Variants in CTNNA2 observed in about 807,000 individuals in gnomAD.
CTNNA2 encodes the protein catenin alpha 2, also known as catenin alpha-2.
CTNNA2 carries 42 observed loss-of-function variants against 101.0 expected under a neutral mutation model. The ratio of observed to expected loss-of-function variants is 0.42; its 90% confidence interval spans 0.32 to 0.54. CTNNA2 has a LOEUF of 0.54. CTNNA2 is among the 20% of genes least tolerant of loss of function. CTNNA2 has a pLI of 0.14. For missense variants in CTNNA2, 871 were observed against 1,223.1 expected (o/e 0.71, Z 4.29); for synonymous variants, 450 against 456.4 (o/e 0.99, Z 0.18).
intron 1 of CTNNA2, among the ~76,000 whole-genome samples, chr2:79,521,821 A>G (rs1672135890): frequency 6.6e-6 from 1 of 152,176 alleles, no homozygotes; most frequent in African/African-American, 2.4e-5. Context: ...AACGTGGCAC[A>G]AGAAGGAGAA....
intron 7 of CTNNA2, chr2:80,305,019 C>G (rs1420963951): frequency 1.5e-5 from 15 of 972,634 alleles, no homozygotes; most frequent in African/African-American, 1.8e-5. Flanking sequence ...TGCTCTCCCC[C>G]TTGCCTTTTG....
At chr2:79,242,146 T>C (rs1674635352) in intron 2 of CTNNA2, among the ~76,000 whole-genome samples, 1 of 152,042 alleles carries the variant, frequency 6.6e-6, no homozygotes, top group Non-Finnish European at 1.5e-5. Flanking sequence ...GACCTCATGA[T>C]CCACCCGCCT....
intron 7 of CTNNA2, among the ~76,000 whole-genome samples, chr2:80,230,115 CA>C (rs1709109813): frequency 2.0e-5 from 3 of 152,080 alleles, no homozygotes; most frequent in African/African-American, 7.2e-5. Context: ...TAGGCTGTAC[CA>C]TCTAGGTTTG....
At chr2:80,151,613 C>T (rs540098018) in intron 7 of CTNNA2, among the ~76,000 whole-genome samples, 42 of 152,208 alleles carry the variant, frequency 2.8e-4, no homozygotes, top group Non-Finnish European at 4.7e-4. Context: ...TACAAGATCT[C>T]TGCCATTGTC....
At chr2:79,957,895 A>G (rs1044021959) in intron 7 of CTNNA2, among the ~76,000 whole-genome samples, 1 of 152,224 alleles carries the variant, frequency 6.6e-6, no homozygotes, top group Admixed American at 6.5e-5. Flanking sequence ...GTACATTAAT[A>G]TGATGTCTCC....
At chr2:79,613,223 T>G (rs893229987) in intron 1 of CTNNA2, among the ~76,000 whole-genome samples, 6 of 151,956 alleles carry the variant, frequency 3.9e-5, no homozygotes, top group Admixed American at 2.0e-4. Context: ...CTTGTGAAAT[T>G]AAAATGTGTA....
At chr2:79,808,951 C>A (rs1241923051) in intron 3 of CTNNA2, among the ~76,000 whole-genome samples, 1 of 152,118 alleles carries the variant, frequency 6.6e-6, no homozygotes, top group Non-Finnish European at 1.5e-5. Context: ...TCCCCCATCC[C>A]CCAACAGACC....
chr2:80,602,449 T>C (rs1259447942), intron 15 of CTNNA2, among the ~76,000 whole-genome samples: 1 of 152,016 alleles, frequency 6.6e-6, no homozygotes, highest in Admixed American at 6.6e-5. Context: ...TTGTTAGCAA[T>C]GCAGAATCAA....
At chr2:80,546,447 G>A (rs187893609) in intron 11 of CTNNA2, among the ~76,000 whole-genome samples, 1 of 152,144 alleles carries the variant, frequency 6.6e-6, no homozygotes, top group Non-Finnish European at 1.5e-5. Flanking sequence ...CTCCAATTTG[G>A]CTATGTTAAG....
intron 17 of CTNNA2, among the ~76,000 whole-genome samples, chr2:80,609,737 G>A (rs1698306733): frequency 6.6e-6 from 1 of 151,694 alleles, no homozygotes; most frequent in African/African-American, 2.4e-5. Context: ...TGCCTTGTGT[G>A]CTTTCATTTG....
intron 3 of CTNNA2, among the ~76,000 whole-genome samples, chr2:79,349,672 A>T (rs543532386): frequency 6.6e-6 from 1 of 152,218 alleles, no homozygotes; most frequent in Non-Finnish European, 1.5e-5. Flanking sequence ...GAAGAATAGC[A>T]TGAGTTTGAC....
At chr2:79,989,888 T>G (rs13394481) in intron 7 of CTNNA2, among the ~76,000 whole-genome samples, 28,231 of 152,130 alleles carry the variant, frequency 0.19, 2,917 homozygotes, top group African/African-American at 0.29. Flanking sequence ...TAAGTTGGAT[T>G]GAACTAGATA....
At chr2:79,677,904 G>A (rs992640828) in intron 2 of CTNNA2, among the ~76,000 whole-genome samples, 1 of 152,142 alleles carries the variant, frequency 6.6e-6, no homozygotes, top group East Asian at 1.9e-4. Context: ...CCTGTCCTCC[G>A]GAAAGACATT....
intron 3 of CTNNA2, among the ~76,000 whole-genome samples, chr2:79,338,460 C>T (rs1186781918): frequency 2.0e-5 from 3 of 151,886 alleles, no homozygotes; most frequent in Admixed American, 2.0e-4. Flanking sequence ...CTATGTGAAA[C>T]AAGATGGGAG....
At chr2:79,885,023 T>C (rs1279502592) in intron 6 of CTNNA2, among the ~76,000 whole-genome samples, 5 of 152,106 alleles carry the variant, frequency 3.3e-5, no homozygotes, top group Non-Finnish European at 5.9e-5. Context: ...CACACAGATA[T>C]TCAAGGAGCT....
At chr2:80,626,552 A>T (rs1406999496) in intron 18 of CTNNA2, among the ~76,000 whole-genome samples, 1 of 152,172 alleles carries the variant, frequency 6.6e-6, no homozygotes, top group African/African-American at 2.4e-5. Flanking sequence ...AGCTCAGCAC[A>T]TTGCTGCTCT....
At chr2:79,613,722 T>C (rs977953920) in intron 1 of CTNNA2, among the ~76,000 whole-genome samples, 1 of 152,180 alleles carries the variant, frequency 6.6e-6, no homozygotes, top group Non-Finnish European at 1.5e-5. Context: ...GGTCTTGTTG[T>C]GTTGCCCAGA....
intron 4 of CTNNA2, among the ~76,000 whole-genome samples, chr2:79,443,742 TG>T (rs1442389872): frequency 1.3e-5 from 2 of 152,094 alleles, no homozygotes; most frequent in East Asian, 3.9e-4. Context: ...AAACATGCTG[TG>T]GTAGGCAGTT....
rs34087238 is a variant in CTNNA2, at chr2:79,531,195, CATATATATATAT to C, written c.-6+18018_-6+18029del. 7.8e-3 allele frequency among the ~76,000 whole-genome samples: 860 copies of C among 110,258 alleles called. 11 individuals are homozygous for C. Among genetic ancestry groups the C allele is most frequent in the South Asian group, 0.049 (136 of 2,766 alleles). The allele number at this position is 110,258 out of a possible 152,430, so 72.3% of individuals were successfully genotyped here. A position where few individuals can be genotyped will look rare whatever the true frequency, so the allele number is the denominator to read the frequency against. ...TTATTTATTAGTAAATAGATACGCTCATATATATATATATATATATATATATATATATATATA... is the reference window on the plus strand; with the variant it reads ...TTATTTATTAGTAAATAGATACGCTCATATATATATATATATATATATATA... On this transcript the variant is annotated intron_variant, in intron 1 of 18. Transcript: ENST00000402739.
Sources: gnomAD v4.1 joint callset for allele counts (sites outside exome capture counted in the v4.1 genomes callset) on GRCh38, gnomAD v4.1.1 for gene constraint, MANE v1.5 for transcripts, NCBI Gene and HGNC (gene_info 2026-07-23, HGNC 2026-07-21) for gene names.